CDH18: variants seen among roughly 807,000 people sequenced by gnomAD.
The protein encoded by CDH18 is cadherin 18.
A neutral mutation model predicts 67.9 loss-of-function variants in CDH18; 31 were observed. That is an observed-to-expected ratio of 0.46 (90% CI 0.34 to 0.62). The LOEUF is 0.62. Ranked by LOEUF, CDH18 falls within the 20% of genes least tolerant of loss-of-function variation. The pLI, the probability that CDH18 is intolerant of heterozygous loss-of-function variation, is 0.01. For missense variants in CDH18, 890 were observed against 975.5 expected (o/e 0.91, Z 1.17); for synonymous variants, 362 against 347.2 (o/e 1.04, Z -0.48).
At position 20,183,726 on chromosome 5, in the gene CDH18, C is replaced by T. The variant is rs555201057; in HGVS notation, c.-518+71718G>A. Among the ~76,000 whole-genome samples the T allele has an allele frequency of 3.6e-4, 55 of 152,138 alleles. 1 individual carries two copies. Among genetic ancestry groups the T allele is most frequent in the African/African-American group, 1.3e-3 (52 of 41,524 alleles). On this transcript the variant is annotated intron_variant, in intron 2 of 14. Coordinates refer to the CDH18 transcript ENST00000507958. ...TTTCTGTTTAACTAGACTTTTAGCT[C>T]CTAGGATCCAGAGACTGTGTACTCA...
chr5:20,135,029 T>G (rs977446032), intron 2 of CDH18, among the ~76,000 whole-genome samples: 3 of 152,090 alleles, frequency 2.0e-5, no homozygotes, highest in Admixed American at 6.6e-5. Flanking sequence ...ATATTTATTT[T>G]TCCCCATGAG....
chr5:19,942,984 G>A (rs767284523), intron 2 of CDH18, among the ~76,000 whole-genome samples: 1 of 152,086 alleles, frequency 6.6e-6, no homozygotes, highest in African/African-American at 2.4e-5. Context: ...TCTCTGCCAG[G>A]TGACCCTCGT....
At chr5:19,853,188 T>C (rs962349426) in intron 2 of CDH18, among the ~76,000 whole-genome samples, 1 of 152,078 alleles carries the variant, frequency 6.6e-6, no homozygotes, top group Non-Finnish European at 1.5e-5. Flanking sequence ...CTGGCTGACT[T>C]GATTTCTGAT....
chr5:19,614,116 T>C (rs955590362), intron 5 of CDH18, among the ~76,000 whole-genome samples: 2 of 152,052 alleles, frequency 1.3e-5, no homozygotes, highest in South Asian at 4.1e-4. Flanking sequence ...AGGAGTTATA[T>C]ATTTATGTTA....
At chr5:20,201,454 C>T (rs1876591) in intron 2 of CDH18, among the ~76,000 whole-genome samples, 57,879 of 151,792 alleles carry the variant, frequency 0.38, 13,242 homozygotes, top group Middle Eastern at 0.58. Context: ...AATAGGATTG[C>T]AATATGAGCA....
chr5:20,048,327 C>T (rs1322250987), intron 2 of CDH18, among the ~76,000 whole-genome samples: 1 of 151,426 alleles, frequency 6.6e-6, no homozygotes, highest in Non-Finnish European at 1.5e-5. Flanking sequence ...AAATGAATCT[C>T]AGTACAGCTT....
At chr5:20,444,078 A>G (rs1749826284) in intron 1 of CDH18, among the ~76,000 whole-genome samples, 1 of 151,914 alleles carries the variant, frequency 6.6e-6, no homozygotes. Context: ...TCCAGTTCTA[A>G]TAGCTTAGTA....
At chr5:19,950,515 T>C (rs551669927) in intron 2 of CDH18, among the ~76,000 whole-genome samples, 2 of 152,206 alleles carry the variant, frequency 1.3e-5, no homozygotes, top group South Asian at 2.1e-4. Flanking sequence ...GCAAAACCTA[T>C]TGAAATTTCT....
intron 2 of CDH18, among the ~76,000 whole-genome samples, chr5:20,196,596 G>T (rs181175912): frequency 6.6e-6 from 1 of 152,218 alleles, no homozygotes; most frequent in East Asian, 1.9e-4. Flanking sequence ...CTTAATAATA[G>T]AAATCTACCA....
intron 1 of CDH18, among the ~76,000 whole-genome samples, chr5:20,431,612 A>G (rs1290819825): frequency 6.6e-6 from 1 of 152,124 alleles, no homozygotes; most frequent in Non-Finnish European, 1.5e-5. Flanking sequence ...ACCATATCCA[A>G]TAAAGGCAAA....
chr5:19,700,475 TAGAG>T (rs1328865007), intron 5 of CDH18, among the ~76,000 whole-genome samples: 1 of 152,176 alleles, frequency 6.6e-6, no homozygotes, highest in African/African-American at 2.4e-5. Flanking sequence ...TTTGGGGAGA[TAGAG>T]AGATTTCATT....
At position 20,349,761 on chromosome 5, in the gene CDH18, G is replaced by T. The variant is rs568080039; in HGVS notation, c.-579-94256C>A. 1.9e-3 allele frequency among the ~76,000 whole-genome samples: 289 copies of T among 152,162 alleles called. 1 individual carries two copies. The highest frequency in any genetic ancestry group is 6.4e-3 in the African/African-American group (267 of 41,526). Reference sequence around the variant, plus strand: ...CAAAAGATAAGTCAGATTACATTTTGTCAGACCTAAGAAGAAATCATATTA... The same window carrying T: ...CAAAAGATAAGTCAGATTACATTTTTTCAGACCTAAGAAGAAATCATATTA... On this transcript the variant is annotated intron_variant, in intron 1 of 14. Transcript: ENST00000507958.
intron 5 of CDH18, among the ~76,000 whole-genome samples, chr5:19,700,329 A>C (rs1051906411): frequency 2.0e-5 from 3 of 152,200 alleles, no homozygotes; most frequent in Non-Finnish European, 4.4e-5. Context: ...CAAATAAAAA[A>C]GTATAGTAAA....
intron 2 of CDH18, among the ~76,000 whole-genome samples, chr5:20,220,105 C>A (rs1227871999): frequency 6.6e-6 from 1 of 151,836 alleles, no homozygotes; most frequent in East Asian, 1.9e-4. Flanking sequence ...TGACATTCTT[C>A]ACATAAGTAG....
At chr5:20,091,322 A>T (rs76278721) in intron 2 of CDH18, among the ~76,000 whole-genome samples, 1 of 144,488 alleles carries the variant, frequency 6.9e-6, no homozygotes, top group Non-Finnish European at 1.5e-5. Flanking sequence ...TCATCTCTAT[A>T]AAAAAAAAAA....
At chr5:20,027,984 T>G (rs891802617) in intron 2 of CDH18, among the ~76,000 whole-genome samples, 12 of 152,208 alleles carry the variant, frequency 7.9e-5, no homozygotes, top group African/African-American at 2.7e-4. Flanking sequence ...ACAAACATAA[T>G]GAGTATTCAT....
At chr5:20,161,140 A>C (rs537689457) in intron 2 of CDH18, among the ~76,000 whole-genome samples, 7 of 152,268 alleles carry the variant, frequency 4.6e-5, no homozygotes, top group Admixed American at 2.6e-4. Context: ...CTGGTTTGAA[A>C]CAATATTGAT....
intron 5 of CDH18, among the ~76,000 whole-genome samples, chr5:19,714,437 G>T (rs1765095719): frequency 6.6e-6 from 1 of 150,480 alleles, no homozygotes; most frequent in African/African-American, 2.4e-5. Context: ...TTTTTTTCTT[G>T]TGTTGTTGTC....
At chr5:19,571,557 A>C in intron 8 of CDH18, 22 bp downstream of exon 8, 1 of 1,600,568 alleles carries the variant, frequency 6.2e-7, no homozygotes, top group Non-Finnish European at 8.5e-7. Flanking sequence ...TTCTATGTCT[A>C]AACGATTGAA....
Sources: allele counts gnomAD v4.1 joint callset (sites outside exome capture counted in the v4.1 genomes callset), GRCh38; gene constraint gnomAD v4.1.1; transcripts MANE v1.5; gene names NCBI Gene and HGNC (gene_info 2026-07-23, HGNC 2026-07-21).